OR9Q1: variants seen among roughly 807,000 people sequenced by gnomAD.
OR9Q1 encodes the protein olfactory receptor 9Q1.
For synonymous variants in OR9Q1, 153 were observed against 148.6 expected, an observed-to-expected ratio of 1.03 and a Z score of -0.22; for missense variants, 374 against 378.8, an observed-to-expected ratio of 0.99 and a Z score of 0.11.
chr11:58,122,044 A>G (rs115018880), intron 2 of OR9Q1, among the ~76,000 whole-genome samples: 128 of 152,198 alleles, frequency 8.4e-4, no homozygotes, highest in Middle Eastern at 3.4e-3. Context: ...TCTTTCACCT[A>G]AGGTCTAATT....
intron 2 of OR9Q1, among the ~76,000 whole-genome samples, chr11:58,105,965 C>A (rs747370283): frequency 5.3e-5 from 8 of 151,988 alleles, no homozygotes; most frequent in Admixed American, 1.3e-4. Context: ...AATTTAAACT[C>A]TTTTGGATAT....
chr11:58,105,601 T>C (rs1215182092), intron 2 of OR9Q1, among the ~76,000 whole-genome samples: 5 of 152,170 alleles, frequency 3.3e-5, no homozygotes, highest in African/African-American at 9.7e-5. Context: ...CTGGGACTTA[T>C]TCATCTTTTT....
At chr11:58,029,089 A>G (rs1176220673) in intron 1 of OR9Q1, among the ~76,000 whole-genome samples, 1 of 152,270 alleles carries the variant, frequency 6.6e-6, no homozygotes, top group East Asian at 1.9e-4. Context: ...AAAGCAGCCT[A>G]AAACTTAGTG....
At chr11:58,151,532 CTT>C (rs1281049466) in intron 2 of OR9Q1, among the ~76,000 whole-genome samples, 1 of 152,180 alleles carries the variant, frequency 6.6e-6, no homozygotes, top group East Asian at 1.9e-4. Context: ...CAGTATGACT[CTT>C]GTTTCATAAT....
chr11:58,099,090 A>G (rs1441589177), intron 2 of OR9Q1, among the ~76,000 whole-genome samples: 2 of 151,968 alleles, frequency 1.3e-5, no homozygotes, highest in Non-Finnish European at 2.9e-5. Flanking sequence ...CCTGACCAAC[A>G]TGTGATCCAT....
At chr11:58,066,329 A>G (rs1590568106) in intron 2 of OR9Q1, among the ~76,000 whole-genome samples, 1 of 151,996 alleles carries the variant, frequency 6.6e-6, no homozygotes, top group East Asian at 1.9e-4. Context: ...TCCACCATGG[A>G]CACTGTGAGA....
intron 1 of OR9Q1, among the ~76,000 whole-genome samples, chr11:58,043,950 C>T (rs951714714): frequency 2.6e-5 from 4 of 152,130 alleles, no homozygotes; most frequent in Non-Finnish European, 4.4e-5. Context: ...GCACCCAGCA[C>T]AGTGGTTGTA....
chr11:58,050,410 A>C (rs1031376383), intron 1 of OR9Q1, among the ~76,000 whole-genome samples: 18 of 138,676 alleles, frequency 1.3e-4, no homozygotes, highest in African/African-American at 2.7e-4. Flanking sequence ...GAAAGCTGAA[A>C]CTGGATCCCT....
chr11:58,177,698 G>A (rs1685508039), intron 2 of OR9Q1, among the ~76,000 whole-genome samples: 1 of 152,022 alleles, frequency 6.6e-6, no homozygotes, highest in African/African-American at 2.4e-5. Flanking sequence ...CTTAGACTTC[G>A]GGCATTTTCT....
chr11:58,063,455 AG>A (rs1369435313), intron 2 of OR9Q1, among the ~76,000 whole-genome samples: 7 of 152,226 alleles, frequency 4.6e-5, no homozygotes, highest in African/African-American at 1.7e-4. Flanking sequence ...ACACATGCAA[AG>A]GATCTAAAAA....
intron 1 of OR9Q1, among the ~76,000 whole-genome samples, chr11:58,048,339 TC>T (rs1415803173): frequency 6.6e-6 from 1 of 152,080 alleles, no homozygotes; most frequent in East Asian, 1.9e-4. Flanking sequence ...TACTGAAATA[TC>T]ACACTGTATC....
chr11:58,078,258 G>C (rs942605374), intron 2 of OR9Q1: 1 of 152,164 alleles, frequency 6.6e-6, no homozygotes, highest in Non-Finnish European at 1.5e-5. Context: ...GCAGTGGGCT[G>C]CTTATGGTCA....
At chr11:58,099,098 C>T (rs1160105675) in intron 2 of OR9Q1, among the ~76,000 whole-genome samples, 2 of 151,770 alleles carry the variant, frequency 1.3e-5, no homozygotes, top group African/African-American at 4.8e-5. Context: ...ACATGTGATC[C>T]ATTTTGGTGA....
At chr11:58,161,370 A>T (rs1854455947) in intron 2 of OR9Q1, among the ~76,000 whole-genome samples, 1 of 152,096 alleles carries the variant, frequency 6.6e-6, no homozygotes, top group Non-Finnish European at 1.5e-5. Flanking sequence ...ACAGAAAGAG[A>T]CAGAGAGAGA....
intron 2 of OR9Q1, among the ~76,000 whole-genome samples, chr11:58,121,751 T>C (rs943019332): frequency 3.3e-5 from 5 of 152,242 alleles, no homozygotes; most frequent in Non-Finnish European, 5.9e-5. Flanking sequence ...GGAATTTTCT[T>C]TGCTGTGGCA....
In OR9Q1 at chr11:58,023,954, C is replaced by G. The variant is rs1209706612; in HGVS notation, c.-243C>G. 1 of 152,192 alleles carries G rather than the reference C, an allele frequency of 6.6e-6. No individual in the cohort carries two copies. 9.4% of individuals were successfully genotyped at this position (152,192 alleles called of 1,614,324 possible). A position where few individuals can be genotyped will look rare whatever the true frequency, so the allele number is the denominator to read the frequency against. On this transcript the variant is annotated 5_prime_UTR_variant, in exon 1 of 3. Transcript: ENST00000335397. ...GAGATGGTAGAGGGAGCGAAAGGAG[C>G]AAAGGCCCTAACTTTCCCTTAATGA...
chr11:58,143,260 G>T (rs1289215184), intron 2 of OR9Q1, among the ~76,000 whole-genome samples: 1 of 152,086 alleles, frequency 6.6e-6, no homozygotes. Flanking sequence ...TATAACTTTG[G>T]CATTGTAATC....
chr11:58,120,369 A>G (rs1854016326), intron 2 of OR9Q1, among the ~76,000 whole-genome samples: 1 of 152,192 alleles, frequency 6.6e-6, no homozygotes, highest in South Asian at 2.1e-4. Context: ...TATTTGTAAC[A>G]TAGAAAAATA....
intron 2 of OR9Q1, among the ~76,000 whole-genome samples, chr11:58,121,307 G>A (rs1854030190): frequency 6.6e-6 from 1 of 152,174 alleles, no homozygotes. Flanking sequence ...ATAATACCAT[G>A]TTCCAAGTCC....
Sources: allele counts gnomAD v4.1 joint callset (sites outside exome capture counted in the v4.1 genomes callset), GRCh38; gene constraint gnomAD v4.1.1; transcripts MANE v1.5; gene names NCBI Gene and HGNC (gene_info 2026-07-23, HGNC 2026-07-21).